Variants in SLC35D2 observed in about 807,000 individuals in gnomAD.
SLC35D2 encodes solute carrier family 35 member D2, also known as nucleotide sugar transporter SLC35D2.
In SLC35D2, 43 loss-of-function variants were observed where a neutral mutation model predicts 41.8. That is an observed-to-expected ratio of 1.03 (90% CI 0.81 to 1.33). The LOEUF is 1.33. SLC35D2 is among the 40% of genes most tolerant of loss of function. The probability of loss-of-function intolerance (pLI) is 0.00; values close to 1 mark genes in which losing one functional copy is unlikely to be tolerated. For synonymous variants in SLC35D2, 150 were observed against 163.9 expected, an observed-to-expected ratio of 0.92 and a Z score of 0.65; for missense variants, 380 against 408.4, an observed-to-expected ratio of 0.93 and a Z score of 0.60.
chr9:96,331,711 C>A (rs796125777), intron 9 of SLC35D2, among the ~76,000 whole-genome samples: 3 of 152,284 alleles, frequency 2.0e-5, no homozygotes, highest in African/African-American at 7.2e-5. Flanking sequence ...AGTCCCCAAG[C>A]CCCAGGCCGC....
chr9:96,339,669 C>G (rs1428382195), intron 8 of SLC35D2, among the ~76,000 whole-genome samples: 2 of 152,060 alleles, frequency 1.3e-5, no homozygotes, highest in Non-Finnish European at 2.9e-5. Flanking sequence ...TTATTTATCT[C>G]TATTCATCAA....
At chr9:96,326,345 A>G (rs985892377) in intron 9 of SLC35D2, among the ~76,000 whole-genome samples, 8 of 152,224 alleles carry the variant, frequency 5.3e-5, no homozygotes, top group Non-Finnish European at 8.8e-5. Flanking sequence ...TAAGTTGTAA[A>G]TGGAACTGAT....
In SLC35D2 at chr9:96,345,301, T is replaced by C. The variant is rs551540898; in HGVS notation, c.589A>G (p.Lys197Glu). Residue 197 changes from lysine (K) to glutamate (E), a missense_variant and splice_region_variant, in exon 7 of 12, where the codon AAG becomes GAG. Lys to Glu is a moderately conservative substitution (Grantham distance 56, BLOSUM62 1). Coordinates refer to ENST00000253270, the MANE Select transcript of SLC35D2 (RefSeq NM_007001.3). ...GVYTKQKMDP[K>E]ELGKYGVLFY... ...AAGCCATAGGCAAGGTCTGGTACCT[T>C]TGGGTCCATTTTCTGTTTGGTATAA... 6.3e-7 allele frequency: 1 copy of C among 1,583,192 alleles called. No homozygotes were observed. Among genetic ancestry groups the C allele is most frequent in the East Asian group, 2.2e-5 (1 of 44,644 alleles).
chr9:96,333,102 T>C (rs111532641), intron 9 of SLC35D2, among the ~76,000 whole-genome samples: 1 of 150,892 alleles, frequency 6.6e-6, no homozygotes, highest in Non-Finnish European at 1.5e-5. Context: ...TTTCACCATG[T>C]TGGCCAGGCT....
Position 96,383,593 on chromosome 9 carries a change from C to T in SLC35D2, c.42G>A (p.Gly14=), listed in dbSNP as rs1482058955. 1 of 1,406,304 alleles carries T rather than the reference C, an allele frequency of 7.1e-7. No homozygotes were observed. Among genetic ancestry groups the T allele is most frequent in the Non-Finnish European group, 9.3e-7 (1 of 1,078,996 alleles). The allele number at this position is 1,406,304 out of a possible 1,614,324, so 87.1% of individuals were successfully genotyped here. A position where few individuals can be genotyped will look rare whatever the true frequency, so the allele number is the denominator to read the frequency against. Residue 14 remains glycine, a synonymous_variant, in exon 1 of 12, where the codon GGG becomes GGA. Transcript: ENST00000253270. ...AGGGCAGCCGCGCCGCGCCGGGCTC[C>T]CCGCCAGCGCCCTCGGCCTCGGCCT... ...GGQAEAEGAG[G]EPGAARLPSR... is the part of the protein sequence containing the mutation.
In SLC35D2 at chr9:96,364,560, A is replaced by G; in HGVS notation, c.193-10T>C. On this transcript the variant is annotated splice_polypyrimidine_tract_variant and intron_variant, in intron 2 of 11. Transcript: ENST00000253270. The stretch of plus-strand genomic sequence containing the variant: ...TTATGGTGGCTGCCATCTGAAGAAA[A>G]GGGGAGAGAGAAACTTCAGCAAAAT... 2 of 1,548,636 alleles carry G rather than the reference A, an allele frequency of 1.3e-6. No homozygotes were observed. Among genetic ancestry groups the G allele is most frequent in the Non-Finnish European group, 8.9e-7 (1 of 1,123,472 alleles).
At chr9:96,316,147 G>A (rs952267545), downstream of SLC35D2, among the ~76,000 whole-genome samples, 2 of 152,174 alleles carry the variant, frequency 1.3e-5, no homozygotes, top group African/African-American at 4.8e-5. Flanking sequence ...TTCCCTAGCT[G>A]TGTGCACCAG....
intron 6 of SLC35D2, among the ~76,000 whole-genome samples, chr9:96,346,964 C>T (rs529875039): frequency 3.8e-4 from 58 of 151,972 alleles, no homozygotes; most frequent in Non-Finnish European, 7.5e-4. Flanking sequence ...TGGAGAAATC[C>T]CATCTCTACT....
chr9:96,383,183 T>G (rs1400248831), intron 1 of SLC35D2, among the ~76,000 whole-genome samples: 3 of 152,198 alleles, frequency 2.0e-5, no homozygotes, highest in Admixed American at 2.0e-4. Context: ...ATCCCTGTTT[T>G]CAGCTCGCTG....
At chr9:96,361,733 G>GTGGAAGAGATACGAA (rs1830286333) in intron 3 of SLC35D2, among the ~76,000 whole-genome samples, 1 of 151,438 alleles carries the variant, frequency 6.6e-6, no homozygotes, top group South Asian at 2.1e-4. Context: ...AAAAAAGGAA[G>GTGGAAGAGATACGAA]TGGAAGAGAT....
At chr9:96,339,849 T>C (rs1829234846) in intron 8 of SLC35D2, among the ~76,000 whole-genome samples, 1 of 152,218 alleles carries the variant, frequency 6.6e-6, no homozygotes, top group East Asian at 1.9e-4. Flanking sequence ...CTATTGACTG[T>C]GTAAGTCCAA....
intron 8 of SLC35D2, 32 bp downstream of exon 8, chr9:96,343,872 A>G: frequency 7.2e-7 from 1 of 1,393,804 alleles, no homozygotes; most frequent in Admixed American, 2.6e-5. Flanking sequence ...AAAGCCAGCT[A>G]AGGAAAACTG....
intron 9 of SLC35D2, among the ~76,000 whole-genome samples, chr9:96,325,833 G>A (rs907212735): frequency 2.0e-5 from 3 of 152,090 alleles, no homozygotes; most frequent in African/African-American, 4.8e-5. Context: ...TTCAACACTC[G>A]GTCTTGGTCC....
At chr9:96,368,733 C>T (rs1218171498) in intron 1 of SLC35D2, among the ~76,000 whole-genome samples, 1 of 143,336 alleles carries the variant, frequency 7.0e-6, no homozygotes, top group Non-Finnish European at 1.5e-5. Flanking sequence ...TATTATACTC[C>T]CTCTCTCTCT....
intron 2 of SLC35D2, among the ~76,000 whole-genome samples, chr9:96,365,089 C>T (rs1830424486): frequency 1.3e-5 from 2 of 150,150 alleles, no homozygotes; most frequent in South Asian, 4.2e-4. Flanking sequence ...TGCCGTGGCT[C>T]ATGCCTGTAA....
chr9:96,330,236 C>T (rs900275945), intron 9 of SLC35D2, among the ~76,000 whole-genome samples: 8 of 152,226 alleles, frequency 5.3e-5, no homozygotes, highest in Non-Finnish European at 1.2e-4. Context: ...CTGGTGCCTG[C>T]CAACCATGAG....
chr9:96,342,889 A>G (rs1035035233), intron 8 of SLC35D2, among the ~76,000 whole-genome samples: 1 of 152,174 alleles, frequency 6.6e-6, no homozygotes, highest in Non-Finnish European at 1.5e-5. Context: ...CTGGTGGGCA[A>G]CATACACCCA....
chr9:96,314,819 G>C (rs890669728), exon 12 of SLC35D2: 8 of 152,116 alleles, frequency 5.3e-5, no homozygotes, highest in Non-Finnish European at 1.0e-4. Flanking sequence ...CTCCCAGTTG[G>C]ATCCAATTCC....
intron 4 of SLC35D2, chr9:96,357,429 G>A (rs984322546): frequency 6.6e-5 from 10 of 152,098 alleles, no homozygotes; most frequent in South Asian, 2.1e-4. Context: ...CCAGGTACTC[G>A]AGAGGCTGAG....
Sources: allele counts gnomAD v4.1 joint callset (sites outside exome capture counted in the v4.1 genomes callset), GRCh38; gene constraint gnomAD v4.1.1; transcripts MANE v1.5; gene names NCBI Gene and HGNC (gene_info 2026-07-23, HGNC 2026-07-21).